Variants in SOX5 observed in about 807,000 individuals in gnomAD.
The protein encoded by SOX5 is SRY-box transcription factor 5.
SOX5 carries 9 observed loss-of-function variants against 92.0 expected under a neutral mutation model. The observed-to-expected ratio is 0.10, with a 90% CI of 0.06 to 0.17. The LOEUF (loss-of-function observed/expected upper bound fraction) is 0.17. SOX5 is among the 10% of genes least tolerant of loss of function. SOX5 has a pLI of 1.00. For synonymous variants in SOX5, 344 were observed against 336.3 expected (o/e 1.02, Z -0.25); for missense variants, 642 against 944.5 (o/e 0.68, Z 4.20).
At chr12:23,956,755 G>A (rs374683008) in intron 4 of SOX5, among the ~76,000 whole-genome samples, 32 of 151,892 alleles carry the variant, frequency 2.1e-4, no homozygotes, top group African/African-American at 7.5e-4. Flanking sequence ...GTGTGACCTC[G>A]GCTCACTGCA....
At chr12:24,369,475 C>A (rs1001010733) in intron 1 of SOX5, among the ~76,000 whole-genome samples, 9 of 152,166 alleles carry the variant, frequency 5.9e-5, no homozygotes, top group African/African-American at 2.2e-4. Flanking sequence ...CAAGTGAGCT[C>A]CCCTGGCTGG....
Position 23,881,230 on chromosome 12 carries a change from G to A in SOX5, c.270+14563C>T, listed in dbSNP as rs765357859. 7.0e-4 allele frequency among the ~76,000 whole-genome samples: 106 copies of A among 152,256 alleles called. 1 individual carries two copies. The highest frequency in any genetic ancestry group is 2.5e-4 in the Non-Finnish European group (17 of 68,028). ...TAAACCGCCTGCTATCCGGGGACAT[G>A]CTCAAGTCGATTTGCACTGTATATC... On this transcript the variant is annotated intron_variant, in intron 2 of 14. Coordinates refer to ENST00000451604, the MANE Select transcript of SOX5 (RefSeq NM_006940.6).
At chr12:24,505,609 C>T (rs190504980) in intron 1 of SOX5, among the ~76,000 whole-genome samples, 134 of 152,368 alleles carry the variant, frequency 8.8e-4, no homozygotes, top group African/African-American at 2.5e-3. Context: ...TAACTCACCA[C>T]TGTTGCACAG....
chr12:24,169,395 G>A (rs1305762967), intron 4 of SOX5, among the ~76,000 whole-genome samples: 1 of 152,176 alleles, frequency 6.6e-6, no homozygotes, highest in East Asian at 1.9e-4. Context: ...TAAAGACTCT[G>A]AGCTATGTCT....
At chr12:24,344,350 GT>G (rs1344614694) in intron 2 of SOX5, among the ~76,000 whole-genome samples, 1 of 148,200 alleles carries the variant, frequency 6.7e-6, no homozygotes, top group Non-Finnish European at 1.5e-5. Flanking sequence ...TTCCTTTTAA[GT>G]TCCTTATCCT....
chr12:24,070,439 A>G (rs1941581672), intron 4 of SOX5, among the ~76,000 whole-genome samples: 1 of 152,204 alleles, frequency 6.6e-6, no homozygotes, highest in African/African-American at 2.4e-5. Flanking sequence ...CTAGGTGGGC[A>G]ATACATATCC....
At chr12:24,125,348 C>T (rs1441060581) in intron 4 of SOX5, among the ~76,000 whole-genome samples, 2 of 152,132 alleles carry the variant, frequency 1.3e-5, no homozygotes, top group Admixed American at 1.3e-4. Flanking sequence ...ACTTCCAAAC[C>T]CCTTTCTTCT....
intron 3 of SOX5, among the ~76,000 whole-genome samples, chr12:23,795,178 G>T (rs1194715498): frequency 1.3e-5 from 2 of 151,942 alleles, no homozygotes; most frequent in Non-Finnish European, 2.9e-5. Context: ...GAATTTTCTG[G>T]AAAATGGGAG....
intron 4 of SOX5, chr12:24,212,422 T>C (rs1352125630): frequency 1.9e-6 from 1 of 533,018 alleles, no homozygotes; most frequent in East Asian, 5.5e-5. Flanking sequence ...AAGCCACTGG[T>C]AGTTGTTCTA....
At chr12:24,167,318 T>C (rs1316132203) in intron 4 of SOX5, among the ~76,000 whole-genome samples, 1 of 152,240 alleles carries the variant, frequency 6.6e-6, no homozygotes, top group Non-Finnish European at 1.5e-5. Context: ...CCAAGGATTG[T>C]TATTTAAGTT....
intron 3 of SOX5, among the ~76,000 whole-genome samples, chr12:23,833,606 T>C (rs2096366331): frequency 6.6e-6 from 1 of 151,998 alleles, no homozygotes; most frequent in Non-Finnish European, 1.5e-5. Flanking sequence ...ATATAAAGTT[T>C]TCACTTGTAT....
At chr12:23,942,895 T>C (rs1291754726) in intron 1 of SOX5, among the ~76,000 whole-genome samples, 1 of 152,048 alleles carries the variant, frequency 6.6e-6, no homozygotes, top group East Asian at 1.9e-4. Flanking sequence ...AACATTTTCT[T>C]TTCTAAAACA....
intron 1 of SOX5, among the ~76,000 whole-genome samples, chr12:24,404,595 A>AG (rs1298388560): frequency 1.3e-5 from 2 of 152,232 alleles, no homozygotes; most frequent in Admixed American, 1.3e-4. Context: ...TTTAAAAGAA[A>AG]GCCAGCATTC....
chr12:24,429,039 C>T (rs965558040), intron 1 of SOX5, among the ~76,000 whole-genome samples: 2 of 151,908 alleles, frequency 1.3e-5, no homozygotes, highest in Non-Finnish European at 2.9e-5. Context: ...ATAGTATGGC[C>T]GGGCGCGGTG....
chr12:23,809,149 C>A (rs1199828514), intron 3 of SOX5, among the ~76,000 whole-genome samples: 4 of 152,030 alleles, frequency 2.6e-5, no homozygotes, highest in Non-Finnish European at 5.9e-5. Flanking sequence ...ACTGATATTT[C>A]TACGTGTTTA....
chr12:23,662,271 A>C (rs1165165082), intron 7 of SOX5, among the ~76,000 whole-genome samples: 1 of 152,124 alleles, frequency 6.6e-6, no homozygotes, highest in African/African-American at 2.4e-5. Flanking sequence ...TAAGTAAGGA[A>C]AGCAATAACT....
At chr12:23,867,908 A>T (rs945411424) in intron 2 of SOX5, among the ~76,000 whole-genome samples, 1 of 152,066 alleles carries the variant, frequency 6.6e-6, no homozygotes, top group Non-Finnish European at 1.5e-5. Context: ...GAGTAGATAG[A>T]TTTAAGTAAA....
chr12:23,534,114 A>G lies in SOX5; in HGVS notation c.*105T>C. 1 of 900,396 alleles carries G rather than the reference A, an allele frequency of 1.1e-6. No individual in the cohort carries two copies. Among genetic ancestry groups the G allele is most frequent in the Non-Finnish European group, 1.8e-6 (1 of 571,182 alleles). The allele number at this position is 900,396 out of a possible 1,614,324, so 55.8% of individuals were successfully genotyped here. ...CCAACTATTTAAGACTAACAGTTAA[A>G]GTAACAGTCAGTGTATGAGAAAGTT... On this transcript the variant is annotated 3_prime_UTR_variant, in exon 15 of 15. Coordinates refer to ENST00000451604, the MANE Select transcript of SOX5 (RefSeq NM_006940.6).
chr12:24,182,002 C>T (rs2139292137), intron 4 of SOX5, among the ~76,000 whole-genome samples: 1 of 152,152 alleles, frequency 6.6e-6, no homozygotes, highest in South Asian at 2.1e-4. Flanking sequence ...GATTTGTTTT[C>T]CATTAAGCAC....
Sources: allele counts gnomAD v4.1 joint callset (sites outside exome capture counted in the v4.1 genomes callset), GRCh38; gene constraint gnomAD v4.1.1; transcripts MANE v1.5; gene names NCBI Gene and HGNC (gene_info 2026-07-23, HGNC 2026-07-21).